DLGAP2: variants seen among roughly 807,000 people sequenced by gnomAD.
DLGAP2 encodes disks large-associated protein 2.
DLGAP2 carries 26 observed loss-of-function variants against 100.3 expected under a neutral mutation model. That is an observed-to-expected ratio of 0.26 (90% CI 0.19 to 0.36). The LOEUF (loss-of-function observed/expected upper bound fraction) is 0.36. Ranked by LOEUF, DLGAP2 falls within the 10% of genes least tolerant of loss-of-function variation. The probability of loss-of-function intolerance (pLI) is 1.00; values close to 1 mark genes in which losing one functional copy is unlikely to be tolerated. For missense variants in DLGAP2, 1,858 were observed against 1,453.2 expected, an observed-to-expected ratio of 1.28 and a Z score of -4.53; for synonymous variants, 886 against 630.1, an observed-to-expected ratio of 1.41 and a Z score of -6.08.
At chr8:1,034,436 T>C (rs1407271841) in intron 2 of DLGAP2, among the ~76,000 whole-genome samples, 3 of 17,098 alleles carry the variant, frequency 1.8e-4, no homozygotes, top group Admixed American at 4.8e-4. Flanking sequence ...CGCGAGTGGA[T>C]TCACACGCTC....
intron 2 of DLGAP2, among the ~76,000 whole-genome samples, chr8:1,252,142 G>T (rs543833341): frequency 7.1e-6 from 1 of 141,024 alleles, no homozygotes; most frequent in South Asian, 2.1e-4. Flanking sequence ...CCACACTGTG[G>T]TGTTGTCACA....
At chr8:1,592,896 C>G (rs1012881121) in intron 6 of DLGAP2, among the ~76,000 whole-genome samples, 4 of 152,156 alleles carry the variant, frequency 2.6e-5, no homozygotes. Flanking sequence ...ATTTTAGTTT[C>G]AAATGGATGC....
chr8:769,839 T>G (rs1200883822), intron 1 of DLGAP2, among the ~76,000 whole-genome samples: 1 of 152,052 alleles, frequency 6.6e-6, no homozygotes, highest in Non-Finnish European at 1.5e-5. Flanking sequence ...TAGAGCAGCC[T>G]CCACGGACAT....
intron 3 of DLGAP2, among the ~76,000 whole-genome samples, chr8:1,370,743 G>A (rs117537555): frequency 6.6e-6 from 1 of 152,254 alleles, no homozygotes; most frequent in East Asian, 1.9e-4. Context: ...GGTGTATGTA[G>A]GAGCCGGACT....
intron 4 of DLGAP2, among the ~76,000 whole-genome samples, chr8:1,541,789 G>A (rs570602922): frequency 6.6e-6 from 1 of 152,132 alleles, no homozygotes; most frequent in Non-Finnish European, 1.5e-5. Context: ...CACATTATCG[G>A]GTCAGTTAAC....
intron 5 of DLGAP2, among the ~76,000 whole-genome samples, chr8:1,563,303 T>C (rs113840545): frequency 2.4e-5 from 1 of 42,364 alleles, no homozygotes; most frequent in Non-Finnish European, 4.3e-5. Context: ...TGTGTGGTGT[T>C]GGGGTGTCCG....
At chr8:1,301,681 AG>A (rs1800345600) in intron 3 of DLGAP2, 1 of 152,204 alleles carries the variant, frequency 6.6e-6, no homozygotes, top group Non-Finnish European at 1.5e-5. Context: ...AACAAGTTGG[AG>A]ATGATTCCAG....
At chr8:1,192,329 A>G (rs531152979) in intron 2 of DLGAP2, among the ~76,000 whole-genome samples, 2 of 152,314 alleles carry the variant, frequency 1.3e-5, no homozygotes, top group Admixed American at 1.3e-4. Flanking sequence ...ATGGTGTAGA[A>G]TATGATGCTT....
chr8:882,836 C>T (rs1203010202), intron 1 of DLGAP2, among the ~76,000 whole-genome samples: 1 of 152,286 alleles, frequency 6.6e-6, no homozygotes, highest in Non-Finnish European at 1.5e-5. Context: ...GCTTTCCTCT[C>T]CGTTCCCCTC....
At chr8:1,143,044 AG>A (rs1207635782) in intron 2 of DLGAP2, among the ~76,000 whole-genome samples, 1 of 152,188 alleles carries the variant, frequency 6.6e-6, no homozygotes, top group Non-Finnish European at 1.5e-5. Flanking sequence ...TCCCCTCTGC[AG>A]GGGCCTCAGG....
chr8:1,094,049 C>T (rs1193932546), intron 2 of DLGAP2, among the ~76,000 whole-genome samples: 7 of 150,928 alleles, frequency 4.6e-5, no homozygotes, highest in African/African-American at 7.3e-5. Context: ...AGGGCAGCTC[C>T]GCGGTGGAGG....
chr8:1,182,295 C>A (rs1797406514), intron 2 of DLGAP2, among the ~76,000 whole-genome samples: 1 of 152,244 alleles, frequency 6.6e-6, no homozygotes, highest in African/African-American at 2.4e-5. Context: ...AAGCTGTGTT[C>A]ACCTGAGGTC....
At chr8:1,238,092 TCTCTC>T (rs1798703973) in intron 2 of DLGAP2, among the ~76,000 whole-genome samples, 2 of 15,776 alleles carry the variant, frequency 1.3e-4, no homozygotes, top group South Asian at 3.8e-3. Flanking sequence ...CGTGTCTAGT[TCTCTC>T]ACATGGCGCC....
intron 2 of DLGAP2, among the ~76,000 whole-genome samples, chr8:1,145,050 C>G (rs1400262595): frequency 6.6e-6 from 1 of 152,266 alleles, no homozygotes; most frequent in East Asian, 1.9e-4. Context: ...TAATATTCAC[C>G]TAGATGCAAC....
At chr8:1,135,502 G>GT (rs1796387447) in intron 2 of DLGAP2, among the ~76,000 whole-genome samples, 1 of 64,260 alleles carries the variant, frequency 1.6e-5, no homozygotes, top group African/African-American at 4.7e-5. Flanking sequence ...TTTTTTTGTG[G>GT]GTTTTTTTTT....
chr8:1,043,960 G>C (rs1802445806), intron 2 of DLGAP2, among the ~76,000 whole-genome samples: 1 of 152,032 alleles, frequency 6.6e-6, no homozygotes, highest in Admixed American at 6.5e-5. Context: ...ATGCTTTCTG[G>C]GTTAGAGACT....
At chr8:1,252,707 G>A (rs1456169462) in intron 2 of DLGAP2, among the ~76,000 whole-genome samples, 2 of 152,252 alleles carry the variant, frequency 1.3e-5, no homozygotes, top group Non-Finnish European at 2.9e-5. Flanking sequence ...GTCATGGCTG[G>A]GCAGTGGCCA....
intron 2 of DLGAP2, chr8:1,246,703 C>T (rs1585187155): frequency 6.6e-6 from 1 of 152,298 alleles, no homozygotes; most frequent in African/African-American, 2.4e-5. Context: ...GGAGGTTGAG[C>T]ATAAACCACT....
chr8:925,318 C>T (rs1194115234), intron 2 of DLGAP2, among the ~76,000 whole-genome samples: 1 of 152,108 alleles, frequency 6.6e-6, no homozygotes, highest in Non-Finnish European at 1.5e-5. Flanking sequence ...GGGGGTGTCT[C>T]CTTATGTTGC....
Sources: gnomAD v4.1 joint callset for allele counts (sites outside exome capture counted in the v4.1 genomes callset) on GRCh38, gnomAD v4.1.1 for gene constraint, MANE v1.5 for transcripts, NCBI Gene and HGNC (gene_info 2026-07-23, HGNC 2026-07-21) for gene names.